The following PIGR variants were observed in gnomAD, a reference collection of about 807,000 sequenced individuals.
The protein encoded by PIGR is polymeric immunoglobulin receptor, also known as hepatocellular carcinoma associated protein TB6.
A neutral mutation model predicts 69.5 loss-of-function variants in PIGR; 22 were observed. The ratio of observed to expected loss-of-function variants is 0.32; its 90% confidence interval spans 0.23 to 0.45. The LOEUF (loss-of-function observed/expected upper bound fraction) is 0.45. Among genes scored for constraint, PIGR ranks in the 20% least tolerant of loss-of-function variants. The pLI is 1.00. For missense variants in PIGR, 885 were observed against 974.0 expected (o/e 0.91, Z 1.22); for synonymous variants, 413 against 407.6 (o/e 1.01, Z -0.16).
At chr1:206,934,845 A>C in intron 5 of PIGR, 99 bp from the exon 6 acceptor site, 1 of 665,598 alleles carries the variant, frequency 1.5e-6, no homozygotes, top group Non-Finnish European at 2.2e-6. Flanking sequence ...CATGTCATAT[A>C]CATATATATA....
chr1:206,930,764 A>T lies in PIGR; in HGVS notation c.2200-351T>A. On this transcript the variant is annotated intron_variant, in intron 10 of 10. Transcript: ENST00000356495. This position sits in a 1 kb window ranked among gnomAD's most constrained non-coding sequence, Gnocchi z 4.3. The stretch of plus-strand genomic sequence containing the variant: ...CGGTGGTGTATGTTTTTCTTTCTCC[A>T]CCAGCCCAGACAGGTAGCTTTTTGG... 1.0e-6 allele frequency: 1 copy of T among 985,320 alleles called. No individual in the cohort carries two copies. Among genetic ancestry groups the T allele is most frequent in the Non-Finnish European group, 1.2e-6 (1 of 829,906 alleles). 61.0% of individuals were successfully genotyped at this position (985,320 alleles called of 1,614,324 possible). A position where few individuals can be genotyped will look rare whatever the true frequency, so the allele number is the denominator to read the frequency against.
Position 206,934,400 on chromosome 1 carries a change from C to A in PIGR, c.1705+20G>T. 1.2e-6 allele frequency: 2 copies of A among 1,603,844 alleles called. No individual in the cohort carries two copies. The highest frequency in any genetic ancestry group is 8.5e-7 in the Non-Finnish European group (1 of 1,173,962). ...TGCCTCTGGGTCTGAGGGGTGCAGG[C>A]CCTGTCCTTGGAGACTCACCCGCTG... On this transcript the variant is annotated intron_variant, in intron 6 of 10. Transcript: ENST00000356495.
intron 1 of PIGR, among the ~76,000 whole-genome samples, chr1:206,941,734 A>G (rs1558016018): frequency 6.6e-6 from 1 of 152,214 alleles, no homozygotes; most frequent in Non-Finnish European, 1.5e-5. Flanking sequence ...AGGGCTGAGG[A>G]GAGTTGAGGG....
chr1:206,931,652 C>T lies in PIGR; in HGVS notation c.2140+19G>A, dbSNP rs1238213588. 6.2e-7 allele frequency: 1 copy of T among 1,613,974 alleles called. No homozygotes were observed. The highest frequency in any genetic ancestry group is 1.3e-5 in the African/African-American group (1 of 74,862). ...TACTCTCCCCAGGGGCTGAGCATTC[C>T]CTTGAGTGAGGGTCATACCTTCTTT... On this transcript the variant is annotated intron_variant, in intron 9 of 10. Transcript: ENST00000356495.
rs56140940 is a variant in PIGR at position 206,938,239 on chromosome 1, A to T, written c.389-488T>A. ...GTCTAAATGTGAAATGGGCTGTCTCAGGGAGCAGTGAGTTTCTGCTAAAGT... is the reference window on the plus strand; with the variant it reads ...GTCTAAATGTGAAATGGGCTGTCTCTGGGAGCAGTGAGTTTCTGCTAAAGT... On this transcript the variant is annotated intron_variant, in intron 3 of 10. Coordinates refer to ENST00000356495, the MANE Select transcript of PIGR (RefSeq NM_002644.4). 2.6e-3 allele frequency among the ~76,000 whole-genome samples: 402 copies of T among 152,360 alleles called. 2 individuals carry two copies. The highest frequency in any genetic ancestry group is 4.6e-3 in the Non-Finnish European group (313 of 68,042).
At chr1:206,942,158 C>A (rs1680000392) in intron 1 of PIGR, among the ~76,000 whole-genome samples, 2 of 152,280 alleles carry the variant, frequency 1.3e-5, no homozygotes, top group South Asian at 2.1e-4. Flanking sequence ...GGAGTGGGAA[C>A]AAATATGGGT....
intron 3 of PIGR, among the ~76,000 whole-genome samples, chr1:206,938,183 C>A (rs1279095884): frequency 6.6e-6 from 1 of 152,204 alleles, no homozygotes; most frequent in Non-Finnish European, 1.5e-5. Context: ...GATTTCAACG[C>A]ATACAATAGA....
intron 1 of PIGR, among the ~76,000 whole-genome samples, chr1:206,944,120 G>A (rs930765313): frequency 4.5e-4 from 69 of 152,214 alleles, no homozygotes; most frequent in African/African-American, 1.6e-3. Context: ...CAATCTTAGC[G>A]AACTGAGAAT....
chr1:206,937,831 C>T (rs1050354310), intron 3 of PIGR, 80 bp from the exon 4 acceptor site: 13 of 1,304,442 alleles, frequency 1.0e-5, no homozygotes, highest in African/African-American at 8.8e-5. Context: ...TTTGCTATTC[C>T]TAGTTAGGGT....
intron 3 of PIGR, 140 bp from the exon 4 acceptor site, chr1:206,937,891 C>T (rs540238113): frequency 3.2e-5 from 23 of 721,538 alleles, no homozygotes; most frequent in Middle Eastern, 3.8e-4. Context: ...GGAATGCTGT[C>T]GGAAGGCCCA....
rs1366285462 is a variant in PIGR, at chr1:206,932,501, C to T, written c.1963G>A (p.Ala655Thr). Residue 655 changes from alanine (A) to threonine (T), a missense_variant, in exon 8 of 11, where the codon GCC becomes ACC. Physicochemically the swap from Ala to Thr is moderately conservative, Grantham distance 58 (BLOSUM62 0). Transcript: ENST00000356495. ...GCTCTGGCCACCCCCACAGCCACGGCTCCCACTGCCAGCACCAGGCCCAGG... is the reference window on the plus strand; with the variant it reads ...GCTCTGGCCACCCCCACAGCCACGGTTCCCACTGCCAGCACCAGGCCCAGG... Reference protein sequence around the residue: ...VPLGLVLAVGAVAVGVARARH... With the variant: ...VPLGLVLAVGTVAVGVARARH... The T allele has an allele frequency of 2.5e-6, 4 of 1,613,406 alleles. No homozygotes were observed. The highest frequency in any genetic ancestry group is 3.4e-6 in the Non-Finnish European group (4 of 1,179,992).
At chr1:206,939,812 C>G (rs1399243935) in intron 2 of PIGR, among the ~76,000 whole-genome samples, 1 of 152,108 alleles carries the variant, frequency 6.6e-6, no homozygotes, top group Non-Finnish European at 1.5e-5. Context: ...CTGCAACCTC[C>G]GCTTCCCAGG....
In PIGR at chr1:206,929,346, G is replaced by C. The variant is rs1371031242; in HGVS notation, c.*972C>G. ...GCGGATCACGAGGTCAGGAGATCGA[G>C]ACCATCCTGGCTAACACGGTGAAAC... is the stretch of plus-strand genomic sequence containing the variant. On this transcript the variant is annotated 3_prime_UTR_variant, in exon 11 of 11. Transcript: ENST00000356495. 1.3e-5 allele frequency: 2 copies of C among 152,138 alleles called. No individual in the cohort carries two copies. The highest frequency in any genetic ancestry group is 4.8e-5 in the African/African-American group (2 of 41,420). 9.4% of individuals were successfully genotyped at this position (152,138 alleles called of 1,614,324 possible).
chr1:206,942,724 C>G (rs1315811871), intron 1 of PIGR, among the ~76,000 whole-genome samples: 1 of 152,212 alleles, frequency 6.6e-6, no homozygotes, highest in Non-Finnish European at 1.5e-5. Context: ...CCAGACTTCT[C>G]ATTTTGTGAC....
At chr1:206,933,911 C>T (rs1679811927) in intron 6 of PIGR, among the ~76,000 whole-genome samples, 1 of 151,454 alleles carries the variant, frequency 6.6e-6, no homozygotes, top group South Asian at 2.1e-4. Context: ...GCTCTGTTGC[C>T]TAGGCTAGAG....
chr1:206,940,615 C>T (rs753772559), intron 1 of PIGR, 31 bp from the exon 2 acceptor site: 32 of 1,332,896 alleles, frequency 2.4e-5, no homozygotes, highest in Middle Eastern at 1.9e-4. Context: ...GGAGATGAAG[C>T]GCCCCTTGTC....
chr1:206,933,139 G>T lies in PIGR; in HGVS notation c.1733C>A (p.Ala578Glu). The T allele has an allele frequency of 2.5e-6, 4 of 1,614,190 alleles. No individual in the cohort carries two copies. The highest frequency in any genetic ancestry group is 3.4e-6 in the Non-Finnish European group (4 of 1,180,038). Reference protein sequence around the residue: ...AGSRDVSLAKADAAPDEKVLD... With the variant: ...AGSRDVSLAKEDAAPDEKVLD... ...CACCTTCTCATCAGGAGCAGCGTCT[G>T]CCTTCGCTAGGCTGACATCGCGGGA... Residue 578 changes from alanine (A) to glutamate (E), a missense_variant, in exon 7 of 11, where the codon GCA (alanine) becomes GAA (glutamate). Transcript: ENST00000356495.
At position 206,930,562 on chromosome 1, in the gene PIGR, T is replaced by A; in HGVS notation, c.2200-149A>T. ...CCCACTGTTCTCATCCCAGCCCCCA[T>A]GCTCACCAAGAAGGACGCATTTTGA... On this transcript the variant is annotated intron_variant, in intron 10 of 10. Transcript: ENST00000356495. This position sits in a 1 kb window ranked among gnomAD's most constrained non-coding sequence, Gnocchi z 4.3. The A allele has an allele frequency of 7.5e-7, 1 of 1,331,364 alleles. No homozygotes were observed. The highest frequency in any genetic ancestry group is 2.0e-5 in the South Asian group (1 of 49,110). 82.5% of individuals were successfully genotyped at this position (1,331,364 alleles called of 1,614,324 possible). A position where few individuals can be genotyped will look rare whatever the true frequency, so the allele number is the denominator to read the frequency against.
intron 3 of PIGR, among the ~76,000 whole-genome samples, chr1:206,938,482 C>T (rs1438652755): frequency 6.6e-6 from 1 of 152,186 alleles, no homozygotes; most frequent in Non-Finnish European, 1.5e-5. Context: ...CTCCGTAGAC[C>T]TCTCTTTTGA....
Sources: allele counts gnomAD v4.1 joint callset (sites outside exome capture counted in the v4.1 genomes callset), GRCh38; gene constraint gnomAD v4.1.1; non-coding constraint Gnocchi (gnomAD v3.1); transcripts MANE v1.5; gene names NCBI Gene and HGNC (gene_info 2026-07-23, HGNC 2026-07-21).